Variants in BIRC6 observed in about 807,000 individuals in gnomAD.
BIRC6 encodes baculoviral IAP repeat containing 6, also known as dual E2 ubiquitin-conjugating enzyme/E3 ubiquitin-protein ligase BIRC6.
In BIRC6, 98 loss-of-function variants were observed where a neutral mutation model predicts 503.3. The ratio of observed to expected loss-of-function variants is 0.19; its 90% CI spans 0.17 to 0.23. BIRC6 has a LOEUF of 0.23. Among genes scored for constraint, BIRC6 ranks in the 10% least tolerant of loss-of-function variants. The pLI is 1.00. For missense variants in BIRC6, 5,360 were observed against 5,806.0 expected, an observed-to-expected ratio of 0.92 and a Z score of 2.50; for synonymous variants, 2,240 against 2,078.7, an observed-to-expected ratio of 1.08 and a Z score of -2.11.
At chr2:32,569,997 G>A (rs1029746995) in intron 65 of BIRC6, among the ~76,000 whole-genome samples, 2 of 151,894 alleles carry the variant, frequency 1.3e-5, no homozygotes, top group African/African-American at 2.4e-5. Flanking sequence ...CTCTTGACTT[G>A]TTCCAGTTCT....
intron 42 of BIRC6, among the ~76,000 whole-genome samples, chr2:32,489,222 A>G (rs2051380528): frequency 6.6e-6 from 1 of 152,024 alleles, no homozygotes; most frequent in African/African-American, 2.4e-5. Flanking sequence ...TATTTTAGTT[A>G]TATTTAAAGA....
At chr2:32,467,778 T>C (rs780021443) in intron 27 of BIRC6, 39 bp downstream of exon 27, 1 of 1,535,758 alleles carries the variant, frequency 6.5e-7, no homozygotes, top group East Asian at 2.3e-5. Flanking sequence ...ACGCTTTCTA[T>C]GTTTCTGACA....
At position 32,357,447 on chromosome 2, in the gene BIRC6, G is replaced by A; in HGVS notation, c.286G>A (p.Gly96Ser). The A allele has an allele frequency of 6.5e-7, 1 of 1,550,326 alleles. No homozygotes were observed. The highest frequency in any genetic ancestry group is 8.7e-7 in the Non-Finnish European group (1 of 1,147,140). Reference protein sequence around the residue: ...TSRGTIKVIDGTSGATLQASA... With the variant: ...TSRGTIKVIDSTSGATLQASA... The stretch of plus-strand genomic sequence containing the variant: ...CCGCGGGACCATCAAAGTCATCGAC[G>A]GCACCTCGGGGGCCACACTGCAGGC... Residue 96 changes from glycine (G) to serine (S), a missense_variant, in exon 1 of 74, where the codon GGC becomes AGC. Physicochemically the swap from Gly to Ser is moderately conservative, Grantham distance 56 (BLOSUM62 0). Coordinates refer to ENST00000421745, the MANE Select transcript of BIRC6 (RefSeq NM_016252.4). This position sits in a 1 kb window ranked among gnomAD's most constrained non-coding sequence, Gnocchi z 4.9.
In BIRC6 at chr2:32,441,443, A is replaced by G; in HGVS notation, c.3925A>G (p.Thr1309Ala). 1 of 1,609,516 alleles carries G rather than the reference A, an allele frequency of 6.2e-7. No homozygotes were observed. The highest frequency in any genetic ancestry group is 8.5e-7 in the Non-Finnish European group (1 of 1,177,228). ...VSVTIRRFKK[T>A]SISKERVQRC... is the part of the protein sequence containing the mutation. ...AGTCACCATTCGAAGATTTAAGAAA[A>G]CCTCAATTTCTAAGGAAAGGTAATT... Residue 1309 changes from threonine (T) to alanine (A), a missense_variant, in exon 17 of 74, where the codon ACC becomes GCC. Physicochemically the swap from Thr to Ala is moderately conservative, Grantham distance 58 (BLOSUM62 0). Transcript: ENST00000421745.
rs369152675 is a variant in BIRC6, at chr2:32,611,417, C to T, written c.14260-31C>T. The T allele has an allele frequency of 1.3e-4, 205 of 1,575,932 alleles. 3 individuals are homozygous for T. In the South Asian group the frequency reaches 2.2e-3, roughly 17 times the overall value. On this transcript the variant is annotated intron_variant, in intron 72 of 73. Coordinates refer to ENST00000421745, the MANE Select transcript of BIRC6 (RefSeq NM_016252.4). ...TGTCTTTTAAATTTGACTGTAAACA[C>T]TGCTTGTTCTCCTGTTTACTTTTTC...
chr2:32,518,666 C>G (rs1374093708), intron 56 of BIRC6, 151 bp from the exon 57 acceptor site: 7 of 1,037,924 alleles, frequency 6.7e-6, no homozygotes. Context: ...AAAAGTTGAC[C>G]AACAAATCAT....
At chr2:32,410,715 T>C (rs982006678) in intron 9 of BIRC6, among the ~76,000 whole-genome samples, 1 of 152,076 alleles carries the variant, frequency 6.6e-6, no homozygotes, top group African/African-American at 2.4e-5. Flanking sequence ...TTTTTTTTTT[T>C]TTTGAAATGG....
intron 1 of BIRC6, among the ~76,000 whole-genome samples, chr2:32,376,484 A>T (rs916316897): frequency 5.9e-5 from 9 of 152,244 alleles, no homozygotes; most frequent in African/African-American, 2.2e-4. Context: ...TTTTAACTTT[A>T]TAGTAGATTT....
At chr2:32,504,593 G>A (rs1020418186) in intron 49 of BIRC6, among the ~76,000 whole-genome samples, 1 of 152,040 alleles carries the variant, frequency 6.6e-6, no homozygotes, top group East Asian at 1.9e-4. Flanking sequence ...CCTGAATCTG[G>A]GAGGCGGAGC....
intron 1 of BIRC6, among the ~76,000 whole-genome samples, chr2:32,364,324 C>G (rs1315959566): frequency 6.6e-6 from 1 of 152,156 alleles, no homozygotes; most frequent in Non-Finnish European, 1.5e-5. Flanking sequence ...GGCGCAGTCT[C>G]TGCCTCCCGG....
chr2:32,607,427 A>T (rs747297890), intron 71 of BIRC6, 28 bp from the exon 72 acceptor site: 5 of 1,427,794 alleles, frequency 3.5e-6, no homozygotes, highest in Non-Finnish European at 4.7e-6. Flanking sequence ...ATGTCCCATC[A>T]TAGCTGTTCT....
At chr2:32,443,362 T>C in intron 19 of BIRC6, 129 bp from the exon 20 acceptor site, 1 of 612,804 alleles carries the variant, frequency 1.6e-6, no homozygotes, top group Admixed American at 3.3e-5. Context: ...TTATATAGCT[T>C]TAAGGCAGGT....
At position 32,443,605 on chromosome 2, in the gene BIRC6, T is replaced by G. The variant is rs2045645375; in HGVS notation, c.4336+17T>G. 2.0e-6 allele frequency: 3 copies of G among 1,525,076 alleles called. No homozygotes were observed. Among genetic ancestry groups the G allele is most frequent in the Non-Finnish European group, 1.8e-6 (2 of 1,113,904 alleles). The allele number at this position is 1,525,076 out of a possible 1,614,324, so 94.5% of individuals were successfully genotyped here. Reference sequence around the variant, plus strand: ...CAACTGGTGGTATGTAAAATTAATTTAATCACAAATAGTTATAGTCATATG... The same window carrying G: ...CAACTGGTGGTATGTAAAATTAATTGAATCACAAATAGTTATAGTCATATG... On this transcript the variant is annotated intron_variant, in intron 20 of 73. Transcript: ENST00000421745.
At position 32,599,841 on chromosome 2, in the gene BIRC6, C is replaced by G; in HGVS notation, c.13933C>G (p.Leu4645Val). The G allele has an allele frequency of 6.2e-7, 1 of 1,613,870 alleles. No individual in the cohort carries two copies. The highest frequency in any genetic ancestry group is 1.3e-5 in the African/African-American group (1 of 75,020). Residue 4645 changes from leucine (L) to valine (V), a missense_variant, in exon 70 of 74, where the codon CTA becomes GTA. Leu to Val is a conservative substitution (Grantham distance 32). Coordinates refer to ENST00000421745, the MANE Select transcript of BIRC6 (RefSeq NM_016252.4). Reference protein sequence around the residue: ...DYPSSPPLVNLETTGGHSVRF... With the variant: ...DYPSSPPLVNVETTGGHSVRF... The stretch of plus-strand genomic sequence containing the variant: ...TCCCAGTTCACCCCCTCTTGTGAAT[C>G]TAGAGACAACTGGTGGTCATAGCGT...
chr2:32,520,139 G>A (rs1282295966), intron 57 of BIRC6, among the ~76,000 whole-genome samples: 1 of 152,102 alleles, frequency 6.6e-6, no homozygotes, highest in Non-Finnish European at 1.5e-5. Flanking sequence ...GAAAAAAGTT[G>A]GAAATGTCTA....
chr2:32,495,242 C>G (rs1485337928), intron 45 of BIRC6, among the ~76,000 whole-genome samples: 1 of 152,148 alleles, frequency 6.6e-6, no homozygotes, highest in Non-Finnish European at 1.5e-5. Flanking sequence ...TTAGTCACAT[C>G]TAATATTTAA....
chr2:32,609,255 G>T (rs2062684481), intron 72 of BIRC6, among the ~76,000 whole-genome samples: 1 of 150,418 alleles, frequency 6.6e-6, no homozygotes, highest in Non-Finnish European at 1.5e-5. Flanking sequence ...CACTGAAGTG[G>T]TTTTTTTCAC....
At chr2:32,416,858 G>A (rs2042429592) in intron 10 of BIRC6, among the ~76,000 whole-genome samples, 1 of 137,334 alleles carries the variant, frequency 7.3e-6, no homozygotes, top group African/African-American at 2.8e-5. Flanking sequence ...ATTTTTGAGA[G>A]GAAGTTTCAT....
At chr2:32,614,143 A>G (rs1385985713) in intron 73 of BIRC6, among the ~76,000 whole-genome samples, 1 of 152,172 alleles carries the variant, frequency 6.6e-6, no homozygotes, top group East Asian at 1.9e-4. Flanking sequence ...ATCTTCAAGT[A>G]TTATGTATCT....
Sources: allele counts gnomAD v4.1 joint callset (sites outside exome capture counted in the v4.1 genomes callset), GRCh38; gene constraint gnomAD v4.1.1; non-coding constraint Gnocchi (gnomAD v3.1); transcripts MANE v1.5; gene names NCBI Gene and HGNC (gene_info 2026-07-23, HGNC 2026-07-21).